NFATC3: variants seen among roughly 807,000 people sequenced by gnomAD.
The protein encoded by NFATC3 is nuclear factor of activated T-cells, cytoplasmic 3.
NFATC3 carries 46 observed loss-of-function variants against 98.6 expected under a neutral mutation model. The observed-to-expected ratio is 0.47, with a 90% confidence interval of 0.37 to 0.60. NFATC3 has a LOEUF of 0.60. NFATC3 is among the 20% of genes least tolerant of loss of function. The pLI, the probability that NFATC3 is intolerant of heterozygous loss-of-function variation, is 0.00. For missense variants in NFATC3, 1,256 were observed against 1,295.5 expected, an observed-to-expected ratio of 0.97 and a Z score of 0.47; for synonymous variants, 512 against 472.2, an observed-to-expected ratio of 1.08 and a Z score of -1.09.
intron 9 of NFATC3, chr16:68,209,631 G>T (rs1175356419): frequency 5.0e-6 from 2 of 398,256 alleles, no homozygotes; most frequent in Non-Finnish European, 9.8e-6. Context: ...ATGAGCCTAT[G>T]TCAAGTTCAT....
chr16:68,121,022 C>G (rs1165400686), intron 1 of NFATC3, among the ~76,000 whole-genome samples: 1 of 151,488 alleles, frequency 6.6e-6, no homozygotes, highest in East Asian at 1.9e-4. Context: ...ATATATGAAA[C>G]ATAAGTGTAT....
At position 68,190,839 on chromosome 16, in the gene NFATC3, G is replaced by T. The variant is rs144001602; in HGVS notation, c.2170G>T (p.Ala724Ser). 5 of 1,614,062 alleles carry T rather than the reference G, an allele frequency of 3.1e-6. No individual in the cohort carries two copies. The highest frequency in any genetic ancestry group is 1.7e-5 in the Admixed American group (1 of 60,004). Residue 724 changes from alanine to serine, a missense_variant, in exon 9 of 10, where the codon GCT becomes TCT. Coordinates refer to ENST00000346183, the MANE Select transcript of NFATC3 (RefSeq NM_173165.3). ...TCCATCTTTGCCTGTGCCTCATCCT[G>T]CTCAGACCCAGAGGCCTTCCTCTGA... The part of the protein sequence containing the change: ...SVPSLPVPHP[A>S]QTQRPSSDSG...
Position 68,174,341 on chromosome 16 carries a change from T to C in NFATC3, c.1775-33T>C, listed in dbSNP as rs774583581. 1.4e-5 allele frequency: 19 copies of C among 1,370,624 alleles called. No individual in the cohort carries two copies. In the Admixed American group the frequency reaches 4.0e-4, roughly 29 times the overall value. 84.9% of individuals were successfully genotyped at this position (1,370,624 alleles called of 1,614,324 possible). A position where few individuals can be genotyped will look rare whatever the true frequency, so the allele number is the denominator to read the frequency against. Reference sequence around the variant, plus strand: ...CAAAGATTTTTAACTAATATTTTGTTTTTTCTCAACTCTTTAAAAAAATTT... The same window carrying C: ...CAAAGATTTTTAACTAATATTTTGTCTTTTCTCAACTCTTTAAAAAAATTT... On this transcript the variant is annotated intron_variant, in intron 5 of 9. Coordinates refer to ENST00000346183, the MANE Select transcript of NFATC3 (RefSeq NM_173165.3).
chr16:68,130,432 T>C (rs1469980016), intron 3 of NFATC3, among the ~76,000 whole-genome samples: 1 of 152,212 alleles, frequency 6.6e-6, no homozygotes, highest in African/African-American at 2.4e-5. Context: ...TATATACCTG[T>C]TTGCCATTTG....
chr16:68,221,355 G>C, intron 9 of NFATC3: 2 of 1,589,842 alleles, frequency 1.3e-6, no homozygotes, highest in Non-Finnish European at 1.7e-6. Flanking sequence ...GGACTTGCAT[G>C]ATTAACACTC....
intron 5 of NFATC3, among the ~76,000 whole-genome samples, chr16:68,171,673 C>T (rs1036084445): frequency 6.6e-6 from 1 of 152,110 alleles, no homozygotes; most frequent in Admixed American, 6.6e-5. Context: ...TGGGGTTTCA[C>T]CATGTTGGCC....
intron 9 of NFATC3, among the ~76,000 whole-genome samples, chr16:68,210,942 C>T (rs573313563): frequency 2.0e-5 from 3 of 151,940 alleles, no homozygotes; most frequent in East Asian, 3.9e-4. Flanking sequence ...CCACCATGCC[C>T]GGCTAATTTT....
chr16:68,192,040 C>G (rs556182113), intron 9 of NFATC3: 9 of 318,460 alleles, frequency 2.8e-5, no homozygotes, highest in Non-Finnish European at 4.1e-5. Flanking sequence ...AACGCTGTCT[C>G]TACTAAAAAT....
chr16:68,123,216 G>T, intron 2 of NFATC3, 95 bp downstream of exon 2: 1 of 1,278,248 alleles, frequency 7.8e-7, no homozygotes, highest in Non-Finnish European at 1.0e-6. Context: ...TTATATAATG[G>T]TTTGACCATT....
chr16:68,226,623 T>G lies in NFATC3; in HGVS notation c.*152T>G. ...AGTAGCATTCCTCCACCTCAGGCCT[T>G]GGGTAGATTTGGCAAAAGAACAGGA... On this transcript the variant is annotated 3_prime_UTR_variant, in exon 10 of 10. Coordinates refer to ENST00000346183, the MANE Select transcript of NFATC3 (RefSeq NM_173165.3). 1.4e-5 allele frequency: 11 copies of G among 799,792 alleles called. No homozygotes were observed. The highest frequency in any genetic ancestry group is 1.6e-5 in the Non-Finnish European group (9 of 551,506). The allele number at this position is 799,792 out of a possible 1,614,324, so 49.5% of individuals were successfully genotyped here. A position where few individuals can be genotyped will look rare whatever the true frequency, so the allele number is the denominator to read the frequency against.
intron 8 of NFATC3, among the ~76,000 whole-genome samples, chr16:68,186,894 G>T (rs901792794): frequency 1.1e-4 from 17 of 152,344 alleles, no homozygotes; most frequent in African/African-American, 4.1e-4. Context: ...ACAATTTTTA[G>T]ATAGTCATAT....
chr16:68,221,422 A>C (rs1461493927), intron 9 of NFATC3: 2 of 1,427,042 alleles, frequency 1.4e-6, no homozygotes, highest in South Asian at 1.6e-5. Context: ...CTGACTCCCT[A>C]GCCTAAAATT....
chr16:68,175,566 C>CT (rs957975534), intron 6 of NFATC3, among the ~76,000 whole-genome samples: 30 of 147,548 alleles, frequency 2.0e-4, no homozygotes, highest in South Asian at 6.4e-4. Flanking sequence ...TTATGAAAGA[C>CT]TTTTTTTTTT....
At chr16:68,149,777 G>A in intron 3 of NFATC3, among the ~76,000 whole-genome samples, 1 of 152,138 alleles carries the variant, frequency 6.6e-6, no homozygotes, top group Non-Finnish European at 1.5e-5. Context: ...AATATGCTTA[G>A]TATATCTAAA....
At position 68,191,533 on chromosome 16, in the gene NFATC3, C is replaced by G; in HGVS notation, c.2864C>G (p.Pro955Arg). 1 of 1,614,170 alleles carries G rather than the reference C, an allele frequency of 6.2e-7. No individual in the cohort carries two copies. The highest frequency in any genetic ancestry group is 1.1e-5 in the South Asian group (1 of 91,078). ...PQLQPMPYQSPSSGTASSPSP... is the reference protein window; with the variant it reads ...PQLQPMPYQSRSSGTASSPSP... ...CTTCAGCCTATGCCTTACCAATCTC[C>G]TAGCTCAGGAACTGCCTCATCACCG... Residue 955 changes from proline (P) to arginine (R), a missense_variant, in exon 9 of 10, where the codon CCT becomes CGT. Transcript: ENST00000346183.
intron 1 of NFATC3, among the ~76,000 whole-genome samples, chr16:68,092,346 C>T (rs933799301): frequency 1.3e-5 from 2 of 151,166 alleles, no homozygotes; most frequent in Non-Finnish European, 2.9e-5. Context: ...ATCCCGGCTA[C>T]TTGGGAGGCT....
intron 3 of NFATC3, among the ~76,000 whole-genome samples, chr16:68,153,425 A>G (rs561973710): frequency 2.0e-5 from 3 of 151,286 alleles, no homozygotes; most frequent in East Asian, 3.9e-4. Context: ...CCATCCCCCA[A>G]AAAAGAAAAA....
chr16:68,174,816 C>A (rs1337553742), intron 6 of NFATC3, among the ~76,000 whole-genome samples: 2 of 152,158 alleles, frequency 1.3e-5, no homozygotes, highest in Non-Finnish European at 2.9e-5. Flanking sequence ...GCACTTCACT[C>A]CTCAGCCTGG....
At chr16:68,088,303 G>T (rs1195164258) in intron 1 of NFATC3, among the ~76,000 whole-genome samples, 1 of 147,798 alleles carries the variant, frequency 6.8e-6, no homozygotes, top group Non-Finnish European at 1.5e-5. Context: ...AGCTAGCACA[G>T]TGCCTTTACA....
Sources: allele counts gnomAD v4.1 joint callset (sites outside exome capture counted in the v4.1 genomes callset), GRCh38; gene constraint gnomAD v4.1.1; transcripts MANE v1.5; gene names NCBI Gene and HGNC (gene_info 2026-07-23, HGNC 2026-07-21).